Variants in NFIA observed in about 807,000 individuals in gnomAD.
The protein encoded by NFIA is nuclear factor I A.
Under a neutral mutation model 62.8 loss-of-function variants are expected in NFIA, and 8 were observed. The observed-to-expected ratio is 0.13, with a 90% confidence interval of 0.07 to 0.23. The LOEUF is 0.23. Ranked by LOEUF, NFIA falls within the 10% of genes least tolerant of loss-of-function variation. NFIA has a pLI of 1.00. For synonymous variants in NFIA, 235 were observed against 238.1 expected (o/e 0.99, Z 0.12); for missense variants, 410 against 642.1 (o/e 0.64, Z 3.91).
chr1:61,103,348 G>C (rs1646544027), intron 2 of NFIA, among the ~76,000 whole-genome samples: 1 of 152,070 alleles, frequency 6.6e-6, no homozygotes, highest in Non-Finnish European at 1.5e-5. Flanking sequence ...ATACTTTAAG[G>C]CTCAGCTGTA....
intron 2 of NFIA, among the ~76,000 whole-genome samples, chr1:61,275,016 C>T (rs1261863275): frequency 6.6e-6 from 1 of 151,980 alleles, no homozygotes; most frequent in Non-Finnish European, 1.5e-5. Flanking sequence ...CTTTGCTTGC[C>T]CCTTAGCAGG....
At chr1:61,262,351 A>G (rs1266255132) in intron 2 of NFIA, among the ~76,000 whole-genome samples, 1 of 152,198 alleles carries the variant, frequency 6.6e-6, no homozygotes, top group African/African-American at 2.4e-5. Flanking sequence ...TCTGTCTACT[A>G]CTGGTGAGAT....
At chr1:61,453,002 C>G (rs925337820) in intron 10 of NFIA, among the ~76,000 whole-genome samples, 1 of 152,160 alleles carries the variant, frequency 6.6e-6, no homozygotes, top group South Asian at 2.1e-4. Context: ...TATCCACCCC[C>G]CAAAAGAAAA....
intron 2 of NFIA, among the ~76,000 whole-genome samples, chr1:61,252,411 A>G (rs1001119861): frequency 3.3e-5 from 5 of 152,214 alleles, no homozygotes; most frequent in Non-Finnish European, 7.3e-5. Context: ...TATGTGAACC[A>G]ATGGCATGCA....
At chr1:61,109,006 A>T (rs1453099274) in intron 2 of NFIA, among the ~76,000 whole-genome samples, 2 of 151,800 alleles carry the variant, frequency 1.3e-5, no homozygotes, top group African/African-American at 4.8e-5. Flanking sequence ...TACTGATGAG[A>T]TTTTTTGATA....
chr1:61,339,435 ATATAT>A (rs1027716866), intron 4 of NFIA, among the ~76,000 whole-genome samples: 4 of 152,202 alleles, frequency 2.6e-5, no homozygotes, highest in African/African-American at 9.7e-5. Flanking sequence ...CTTCTTCTGA[ATATAT>A]TATGACTTTG....
chr1:61,091,083 G>C (rs1646311606), intron 2 of NFIA, among the ~76,000 whole-genome samples: 1 of 152,216 alleles, frequency 6.6e-6, no homozygotes, highest in African/African-American at 2.4e-5. Flanking sequence ...ACTCTGAAAC[G>C]TGCTTCAAGA....
chr1:61,114,250 A>T (rs1042357110), intron 2 of NFIA, among the ~76,000 whole-genome samples: 1 of 151,958 alleles, frequency 6.6e-6, no homozygotes, highest in East Asian at 1.9e-4. Context: ...CAAATTCTAT[A>T]TACGTAGAAA....
chr1:61,193,880 T>C (rs1181585156), intron 2 of NFIA, among the ~76,000 whole-genome samples: 3 of 152,216 alleles, frequency 2.0e-5, no homozygotes, highest in Non-Finnish European at 4.4e-5. Flanking sequence ...GTACACATTC[T>C]TAAGAGAATG....
intron 2 of NFIA, among the ~76,000 whole-genome samples, chr1:61,254,639 G>A (rs991649504): frequency 6.6e-6 from 1 of 152,138 alleles, no homozygotes; most frequent in African/African-American, 2.4e-5. Flanking sequence ...TTACCTTTTT[G>A]TGGCCTATGG....
intron 10 of NFIA, among the ~76,000 whole-genome samples, chr1:61,440,603 C>A (rs1218718678): frequency 1.3e-5 from 2 of 151,870 alleles, no homozygotes; most frequent in Non-Finnish European, 2.9e-5. Context: ...AAAAAAAGAA[C>A]ACGTATTTCT....
chr1:61,177,022 C>T (rs868011182), intron 2 of NFIA, among the ~76,000 whole-genome samples: 10 of 151,892 alleles, frequency 6.6e-5, no homozygotes, highest in Non-Finnish European at 1.0e-4. Context: ...AGGAGAATAG[C>T]GTGAACCTGG....
At chr1:61,324,051 G>T (rs966917360) in intron 3 of NFIA, among the ~76,000 whole-genome samples, 3 of 152,182 alleles carry the variant, frequency 2.0e-5, no homozygotes, top group East Asian at 1.9e-4. Flanking sequence ...GTTCTGTGTT[G>T]GGGTGAGAGG....
intron 2 of NFIA, among the ~76,000 whole-genome samples, chr1:61,101,287 C>T (rs562379049): frequency 9.8e-4 from 148 of 150,922 alleles, no homozygotes; most frequent in African/African-American, 3.3e-3. Flanking sequence ...CCCAGCTACT[C>T]GGGAGGCCGA....
At position 61,458,955 on chromosome 1, in the gene NFIA, G is replaced by A. The variant is rs1252967407; in HGVS notation, c.*3635G>A. On this transcript the variant is annotated 3_prime_UTR_variant, in exon 11 of 11. Transcript: ENST00000403491. ...TAGGGTGATAACGAACAGGGGTTAA[G>A]TATTAAATACACGAAGTTACATTTT... The A allele has an allele frequency of 6.6e-6, 1 of 152,162 alleles. No homozygotes were observed. Among genetic ancestry groups the A allele is most frequent in the East Asian group, 1.9e-4 (1 of 5,190 alleles). 9.4% of individuals were successfully genotyped at this position (152,162 alleles called of 1,614,324 possible).
chr1:61,077,829 ATCAGAGACCGGGTTTTCTTTTTCTTTTTT>A (rs1646050128), upstream of NFIA, among the ~76,000 whole-genome samples: 1 of 149,702 alleles, frequency 6.7e-6, no homozygotes, highest in African/African-American at 2.5e-5. Flanking sequence ...TGCTATGTGC[ATCAGAGACCGGGTTTTCTTTTTCTTTTTT>A]TTTTTTTTCG....
At chr1:61,186,438 C>G (rs1651186168) in intron 2 of NFIA, among the ~76,000 whole-genome samples, 1 of 152,136 alleles carries the variant, frequency 6.6e-6, no homozygotes, top group Non-Finnish European at 1.5e-5. Flanking sequence ...TGTGGCGGCT[C>G]AGTACTAGGC....
At position 61,456,591 on chromosome 1, in the gene NFIA, A is replaced by T. The variant is rs994447078; in HGVS notation, c.*1271A>T. 2 of 151,468 alleles carry T rather than the reference A, an allele frequency of 1.3e-5. No homozygotes were observed. Among genetic ancestry groups the T allele is most frequent in the African/African-American group, 4.8e-5 (2 of 41,324 alleles). 9.4% of individuals were successfully genotyped at this position (151,468 alleles called of 1,614,324 possible). ...CATCATAGGATTTATCAGTTATCAGACACCTCATTGTACCAGAGATTGTCC... is the reference window on the plus strand; with the variant it reads ...CATCATAGGATTTATCAGTTATCAGTCACCTCATTGTACCAGAGATTGTCC... On this transcript the variant is annotated 3_prime_UTR_variant, in exon 11 of 11. Coordinates refer to ENST00000403491, the MANE Select transcript of NFIA (RefSeq NM_001134673.4).
At chr1:61,354,144 G>A (rs1187740965) in intron 5 of NFIA, among the ~76,000 whole-genome samples, 2 of 152,112 alleles carry the variant, frequency 1.3e-5, no homozygotes, top group African/African-American at 4.8e-5. Flanking sequence ...TCTCTGAGAG[G>A]AAAGCTCATT....
Sources: gnomAD v4.1 joint callset for allele counts (sites outside exome capture counted in the v4.1 genomes callset) on GRCh38, gnomAD v4.1.1 for gene constraint, MANE v1.5 for transcripts, NCBI Gene and HGNC (gene_info 2026-07-23, HGNC 2026-07-21) for gene names.